WWOX: variants seen among roughly 807,000 people sequenced by gnomAD.
The protein encoded by WWOX is WW domain containing oxidoreductase, also known as WW domain-containing oxidoreductase.
A neutral mutation model predicts 46.2 loss-of-function variants in WWOX; 69 were observed. The observed-to-expected ratio is 1.49, with a 90% CI of 1.23 to 1.82. The LOEUF (loss-of-function observed/expected upper bound fraction) is 1.82, where lower values mean the gene tolerates loss of function less well. Among genes scored for constraint, WWOX ranks in the 40% most tolerant of loss-of-function variants. The pLI is 0.00. For missense variants in WWOX, 919 were observed against 542.6 expected (o/e 1.69, Z -6.89); for synonymous variants, 359 against 202.6 (o/e 1.77, Z -6.56).
At chr16:78,697,974 G>C (rs1316073981) in intron 8 of WWOX, among the ~76,000 whole-genome samples, 1 of 152,094 alleles carries the variant, frequency 6.6e-6, no homozygotes, top group Non-Finnish European at 1.5e-5. Flanking sequence ...CAAAACTCCT[G>C]TTAACAACTG....
At chr16:78,239,773 G>T (rs556317434) in intron 5 of WWOX, among the ~76,000 whole-genome samples, 1 of 152,034 alleles carries the variant, frequency 6.6e-6, no homozygotes, top group Non-Finnish European at 1.5e-5. Flanking sequence ...GACCTCAGGT[G>T]ATCCGCCAGT....
intron 4 of WWOX, among the ~76,000 whole-genome samples, chr16:78,117,148 C>A (rs115695830): frequency 5.9e-5 from 9 of 152,182 alleles, no homozygotes; most frequent in African/African-American, 1.9e-4. Flanking sequence ...TGCCTCTTCA[C>A]AGCTCCCACT....
chr16:78,153,720 A>C (rs2034498665), intron 4 of WWOX, among the ~76,000 whole-genome samples: 1 of 152,188 alleles, frequency 6.6e-6, no homozygotes, highest in South Asian at 2.1e-4. Context: ...ACCACCCATT[A>C]GAAATTACGG....
intron 8 of WWOX, among the ~76,000 whole-genome samples, chr16:78,888,107 C>G (rs1378097706): frequency 6.6e-6 from 1 of 152,186 alleles, no homozygotes; most frequent in Non-Finnish European, 1.5e-5. Flanking sequence ...GTGAAATCAA[C>G]TTTCTTGTTG....
At chr16:78,426,154 A>C (rs914629946) in intron 7 of WWOX, among the ~76,000 whole-genome samples, 2 of 152,192 alleles carry the variant, frequency 1.3e-5, no homozygotes, top group Admixed American at 6.5e-5. Flanking sequence ...TGAAACATCT[A>C]GTAATTAGGT....
At chr16:78,686,789 G>A (rs1200637853) in intron 8 of WWOX, among the ~76,000 whole-genome samples, 2 of 152,186 alleles carry the variant, frequency 1.3e-5, no homozygotes, top group African/African-American at 2.4e-5. Context: ...AACAGAGACA[G>A]AGTTGACTTG....
chr16:78,555,302 A>G (rs1424985145), intron 8 of WWOX, among the ~76,000 whole-genome samples: 1 of 152,192 alleles, frequency 6.6e-6, no homozygotes, highest in Non-Finnish European at 1.5e-5. Flanking sequence ...TGAAAGGGAA[A>G]GGTACTCTTT....
intron 8 of WWOX, among the ~76,000 whole-genome samples, chr16:78,656,304 T>C (rs916844010): frequency 1.3e-5 from 2 of 152,248 alleles, no homozygotes; most frequent in South Asian, 4.1e-4. Context: ...CCAACATGCA[T>C]GTCCTTTCTC....
intron 8 of WWOX, among the ~76,000 whole-genome samples, chr16:78,814,567 C>T (rs995021578): frequency 6.6e-6 from 1 of 152,022 alleles, no homozygotes; most frequent in Non-Finnish European, 1.5e-5. Context: ...GATAAAGGCA[C>T]CTGTGTACTT....
At chr16:78,402,383 G>C (rs542402588) in intron 6 of WWOX, among the ~76,000 whole-genome samples, 1 of 152,072 alleles carries the variant, frequency 6.6e-6, no homozygotes, top group East Asian at 1.9e-4. Context: ...GTTGTCAGTC[G>C]GATATTTCTG....
At chr16:78,169,094 G>T (rs2035065047) in intron 5 of WWOX, among the ~76,000 whole-genome samples, 1 of 152,120 alleles carries the variant, frequency 6.6e-6, no homozygotes, top group African/African-American at 2.4e-5. Flanking sequence ...AGTGGGGCTT[G>T]TTCCTATGTT....
intron 8 of WWOX, among the ~76,000 whole-genome samples, chr16:79,036,016 C>T (rs2047859241): frequency 6.6e-6 from 1 of 152,156 alleles, no homozygotes; most frequent in Non-Finnish European, 1.5e-5. Flanking sequence ...TTTTCCGTTC[C>T]TCCTTCCAGC....
chr16:79,067,919 G>A (rs2048472580), intron 8 of WWOX, among the ~76,000 whole-genome samples: 1 of 152,200 alleles, frequency 6.6e-6, no homozygotes, highest in Admixed American at 6.5e-5. Context: ...TCCTGGGAAT[G>A]CCTGTGATCC....
intron 8 of WWOX, among the ~76,000 whole-genome samples, chr16:78,864,643 A>G (rs1229976796): frequency 1.3e-5 from 2 of 151,302 alleles, no homozygotes; most frequent in Non-Finnish European, 2.9e-5. Flanking sequence ...TTGAGGTCCC[A>G]TTGGGCCCAG....
chr16:79,043,670 T>C (rs373632417), intron 8 of WWOX, among the ~76,000 whole-genome samples: 11 of 152,204 alleles, frequency 7.2e-5, no homozygotes, highest in African/African-American at 2.7e-4. Context: ...TTTTGTCATG[T>C]AAATAGGATC....
intron 8 of WWOX, among the ~76,000 whole-genome samples, chr16:78,966,543 A>C (rs1337690168): frequency 6.6e-6 from 1 of 152,194 alleles, no homozygotes; most frequent in Non-Finnish European, 1.5e-5. Flanking sequence ...CTAATAGTGA[A>C]AATTTAGATT....
At chr16:78,261,198 A>G (rs1404870722) in intron 5 of WWOX, among the ~76,000 whole-genome samples, 4 of 150,890 alleles carry the variant, frequency 2.7e-5, no homozygotes, top group Non-Finnish European at 5.9e-5. Context: ...GATTGGTATC[A>G]TGCTTTATGT....
In WWOX at chr16:79,187,503, C is replaced by T. The variant is rs563619552; in HGVS notation, c.1057-24105C>T. Among the ~76,000 whole-genome samples, 41 of 152,296 alleles carry T rather than the reference C, an allele frequency of 2.7e-4. No homozygotes were observed. In the South Asian group the frequency reaches 2.9e-3, roughly 11 times the overall value. On this transcript the variant is annotated intron_variant, in intron 8 of 8. Coordinates refer to ENST00000566780, the MANE Select transcript of WWOX (RefSeq NM_016373.4). ...GCATTCTCCATTTCCCAGGTTCAAG[C>T]GATTCTCCTGCCTCAGCCTCCCAAG...
intron 8 of WWOX, among the ~76,000 whole-genome samples, chr16:78,454,540 T>C (rs2083771183): frequency 6.6e-6 from 1 of 152,158 alleles, no homozygotes; most frequent in Non-Finnish European, 1.5e-5. Flanking sequence ...AATTTCACTT[T>C]TGTTGCCCAG....
Sources: allele counts gnomAD v4.1 joint callset (sites outside exome capture counted in the v4.1 genomes callset), GRCh38; gene constraint gnomAD v4.1.1; transcripts MANE v1.5; gene names NCBI Gene and HGNC (gene_info 2026-07-23, HGNC 2026-07-21).